ATP8A2: variants seen among roughly 807,000 people sequenced by gnomAD.
The protein encoded by ATP8A2 is ATPase phospholipid transporting 8A2, also known as phospholipid-transporting ATPase IB.
ATP8A2 carries 100 observed loss-of-function variants against 165.6 expected under a neutral mutation model. That is an observed-to-expected ratio of 0.60 (90% CI 0.51 to 0.71). The LOEUF (loss-of-function observed/expected upper bound fraction) is 0.71. Among genes scored for constraint, ATP8A2 ranks in the 30% least tolerant of loss-of-function variants. The probability of loss-of-function intolerance (pLI) is 0.00; values close to 1 mark genes in which losing one functional copy is unlikely to be tolerated. For synonymous variants in ATP8A2, 543 were observed against 548.8 expected, an observed-to-expected ratio of 0.99 and a Z score of 0.15; for missense variants, 1,227 against 1,479.5, an observed-to-expected ratio of 0.83 and a Z score of 2.80.
intron 1 of ATP8A2, among the ~76,000 whole-genome samples, chr13:25,423,499 T>A (rs1250852326): frequency 6.6e-6 from 1 of 152,142 alleles, no homozygotes; most frequent in African/African-American, 2.4e-5. Flanking sequence ...TGGAATCGGG[T>A]TTTGAATTTT....
At chr13:25,609,895 T>C (rs1167955003) in intron 24 of ATP8A2, among the ~76,000 whole-genome samples, 1 of 152,058 alleles carries the variant, frequency 6.6e-6, no homozygotes. Context: ...TTTTCATGTT[T>C]GTTGGCCATT....
chr13:25,960,667 A>T lies in ATP8A2; in HGVS notation c.3184-908A>T, dbSNP rs150009806. On this transcript the variant is annotated intron_variant, in intron 33 of 36. Coordinates refer to ENST00000381655, the MANE Select transcript of ATP8A2 (RefSeq NM_016529.6). ...CTCATTCAAAACCAAAATTGAAGGC[A>T]TCTGCCCTGCTCAGGCCCCCATCTC... Among the ~76,000 whole-genome samples, 452 of 152,218 alleles carry T rather than the reference A, an allele frequency of 3.0e-3. 16 individuals are homozygous for T. The East Asian group carries it at 0.073, about 25-fold the overall frequency.
chr13:25,915,457 C>T (rs1463470878), intron 33 of ATP8A2, among the ~76,000 whole-genome samples: 4 of 152,228 alleles, frequency 2.6e-5, no homozygotes, highest in African/African-American at 4.8e-5. Flanking sequence ...TATACCAAAG[C>T]TCAGTAGCTG....
chr13:25,468,621 C>T (rs1210144061), intron 1 of ATP8A2, among the ~76,000 whole-genome samples: 1 of 152,150 alleles, frequency 6.6e-6, no homozygotes, highest in Non-Finnish European at 1.5e-5. Flanking sequence ...CCCCGCCGTC[C>T]CCGCGCGGTC....
intron 25 of ATP8A2, among the ~76,000 whole-genome samples, chr13:25,731,371 A>AGGAAAGAGAGAG: frequency 2.2e-5 from 3 of 138,922 alleles, no homozygotes; most frequent in Non-Finnish European, 3.1e-5. Flanking sequence ...GAGAGGAAGG[A>AGGAAAGAGAGAG]AGGAAGAGGG....
At chr13:25,384,310 T>C (rs751478374) in intron 1 of ATP8A2, among the ~76,000 whole-genome samples, 16 of 152,256 alleles carry the variant, frequency 1.1e-4, no homozygotes, top group Admixed American at 4.6e-4. Flanking sequence ...TTATTCCATT[T>C]GTTGTCTGGT....
chr13:25,746,374 C>A (rs217858), intron 25 of ATP8A2, among the ~76,000 whole-genome samples: 1 of 152,154 alleles, frequency 6.6e-6, no homozygotes, highest in Non-Finnish European at 1.5e-5. Context: ...GGATATTTAA[C>A]TTGGGAAATG....
intron 1 of ATP8A2, among the ~76,000 whole-genome samples, chr13:25,401,954 C>T (rs2033650401): frequency 6.6e-6 from 1 of 151,822 alleles, no homozygotes; most frequent in Admixed American, 6.6e-5. Context: ...ACTCCTGGGC[C>T]CAAACGATCC....
chr13:25,812,121 A>G (rs1046720663), intron 27 of ATP8A2, among the ~76,000 whole-genome samples: 11 of 151,900 alleles, frequency 7.2e-5, no homozygotes. Flanking sequence ...TTGTAGGGCT[A>G]AAAAGTATGA....
At chr13:25,630,048 C>T (rs2041200228) in intron 24 of ATP8A2, among the ~76,000 whole-genome samples, 2 of 148,956 alleles carry the variant, frequency 1.3e-5, no homozygotes, top group South Asian at 4.3e-4. Flanking sequence ...ACATGCACAC[C>T]ACTCTCATGC....
At chr13:25,954,290 C>A (rs1460954435) in intron 33 of ATP8A2, among the ~76,000 whole-genome samples, 1 of 152,206 alleles carries the variant, frequency 6.6e-6, no homozygotes, top group Non-Finnish European at 1.5e-5. Context: ...GCCACAGTAG[C>A]CAGACTGCCT....
chr13:25,956,984 G>C (rs1384609390), intron 33 of ATP8A2, among the ~76,000 whole-genome samples: 1 of 152,148 alleles, frequency 6.6e-6, no homozygotes, highest in Non-Finnish European at 1.5e-5. Context: ...ACAACTGTCT[G>C]GTCTTTGACA....
rs569922874 is a variant in ATP8A2, at chr13:25,480,290, G to C, written c.221+11169G>C. On this transcript the variant is annotated intron_variant, in intron 2 of 36. Coordinates refer to ENST00000381655, the MANE Select transcript of ATP8A2 (RefSeq NM_016529.6). ...TCCCGGACGGGGCGGCTGGCCGGGC[G>C]GGGGGCTGACCCCCACCTCCCTCCC... Among the ~76,000 whole-genome samples, 7 of 150,594 alleles carry C rather than the reference G, an allele frequency of 4.6e-5. No homozygotes were observed. In the East Asian group the frequency reaches 8.1e-4, roughly 17 times the overall value.
intron 33 of ATP8A2, among the ~76,000 whole-genome samples, chr13:25,873,130 C>T (rs1305800865): frequency 1.3e-5 from 2 of 152,140 alleles, no homozygotes; most frequent in Non-Finnish European, 2.9e-5. Flanking sequence ...CAGCCCAGAT[C>T]CTCCAGGTTC....
chr13:25,865,488 G>A (rs1438207741), intron 33 of ATP8A2, among the ~76,000 whole-genome samples: 1 of 152,144 alleles, frequency 6.6e-6, no homozygotes, highest in Non-Finnish European at 1.5e-5. Flanking sequence ...TTGAAAAGAT[G>A]CATTGTTTCT....
intron 1 of ATP8A2, among the ~76,000 whole-genome samples, chr13:25,396,547 C>G (rs922349162): frequency 2.0e-5 from 3 of 152,108 alleles, no homozygotes; most frequent in Admixed American, 2.0e-4. Flanking sequence ...TCAGTCCCAG[C>G]CGGCTTCTGT....
chr13:25,772,665 AT>A (rs1444996817), intron 26 of ATP8A2, among the ~76,000 whole-genome samples: 5 of 151,776 alleles, frequency 3.3e-5, no homozygotes, highest in East Asian at 1.9e-4. Context: ...CCTCCTGAAA[AT>A]TTTTTGTTTA....
At chr13:25,778,763 G>A (rs1162259961) in intron 27 of ATP8A2, among the ~76,000 whole-genome samples, 5 of 152,110 alleles carry the variant, frequency 3.3e-5, no homozygotes, top group Non-Finnish European at 5.9e-5. Context: ...GCCCCTCTGC[G>A]ATCTGGGTTC....
intron 25 of ATP8A2, among the ~76,000 whole-genome samples, chr13:25,766,138 C>G (rs217884): frequency 0.97 from 148,100 of 152,284 alleles, 72,022 homozygotes; most frequent in East Asian, 1. Flanking sequence ...TTAAGTGATG[C>G]CCTCCTTAGT....
Sources: allele counts gnomAD v4.1 joint callset (sites outside exome capture counted in the v4.1 genomes callset), GRCh38; gene constraint gnomAD v4.1.1; transcripts MANE v1.5; gene names NCBI Gene and HGNC (gene_info 2026-07-23, HGNC 2026-07-21).